The following MAPK14 variants were observed in gnomAD, a reference collection of about 807,000 sequenced individuals.
MAPK14 encodes CSAID-binding protein.
MAPK14 carries 16 observed loss-of-function variants against 49.6 expected under a neutral mutation model. The ratio of observed to expected loss-of-function variants is 0.32; its 90% CI spans 0.22 to 0.49. MAPK14 has a LOEUF of 0.49. Ranked by LOEUF, MAPK14 falls within the 20% of genes least tolerant of loss-of-function variation. MAPK14 has a pLI of 0.99. For missense variants in MAPK14, 200 were observed against 441.2 expected, an observed-to-expected ratio of 0.45 and a Z score of 4.90; for synonymous variants, 142 against 158.0, an observed-to-expected ratio of 0.90 and a Z score of 0.76.
intron 8 of MAPK14, among the ~76,000 whole-genome samples, chr6:36,087,641 CACAA>C (rs1765040203): frequency 6.6e-6 from 1 of 152,032 alleles, no homozygotes; most frequent in Non-Finnish European, 1.5e-5. Context: ...TCAGAGAGGA[CACAA>C]ACAAATGGAA....
At chr6:36,115,360 T>C (rs940609983), downstream of MAPK14, among the ~76,000 whole-genome samples, 1 of 152,244 alleles carries the variant, frequency 6.6e-6, no homozygotes, top group African/African-American at 2.4e-5. Flanking sequence ...TCTATTACCC[T>C]TTGCATAACT....
chr6:36,120,793 A>G, the MAPK14 span, among the ~76,000 whole-genome samples: 1 of 152,216 alleles, frequency 6.6e-6, no homozygotes, highest in Admixed American at 6.5e-5. Context: ...CTTCTCAAGC[A>G]CAGGAACTGT....
downstream of MAPK14, among the ~76,000 whole-genome samples, chr6:36,115,927 C>CAA (rs60613902): frequency 5.3e-3 from 562 of 106,332 alleles, 5 homozygotes; most frequent in African/African-American, 0.016. Context: ...GACTCCGTCT[C>CAA]AAAAAAAAAA....
chr6:36,124,071 G>T, the MAPK14 span, among the ~76,000 whole-genome samples: 1 of 150,920 alleles, frequency 6.6e-6, no homozygotes, highest in South Asian at 2.1e-4. Flanking sequence ...GCAGGGGAGT[G>T]GGGGAGGGTG....
At chr6:36,065,180 C>G (rs192444146) in intron 3 of MAPK14, among the ~76,000 whole-genome samples, 90 of 152,310 alleles carry the variant, frequency 5.9e-4, no homozygotes, top group Non-Finnish European at 3.7e-4. Flanking sequence ...TTGTTCTTAG[C>G]AAATTTTGTT....
At chr6:36,114,958 C>T (rs987895748), downstream of MAPK14, among the ~76,000 whole-genome samples, 2 of 152,142 alleles carry the variant, frequency 1.3e-5, no homozygotes, top group Non-Finnish European at 2.9e-5. Flanking sequence ...CAGGGGGCAT[C>T]GAGGCTGTCT....
At position 36,085,966 on chromosome 6, in the gene MAPK14, C is replaced by T. The variant is rs575571007; in HGVS notation, c.682+9358C>T. 9.2e-5 allele frequency among the ~76,000 whole-genome samples: 14 copies of T among 152,276 alleles called. No individual in the cohort carries two copies. In the South Asian group the frequency reaches 2.9e-3, roughly 32 times the overall value. On this transcript the variant is annotated intron_variant, in intron 8 of 11. Transcript: ENST00000229794. ...AAAATATAACACACAGCCTCTCACA[C>T]CACAGCACAATCAAATTAGAACTAA...
rs1441727490 is a variant in MAPK14 at position 36,072,898 on chromosome 6, G to T, written c.331G>T (p.Ala111Ser). The T allele has an allele frequency of 6.2e-7, 1 of 1,610,842 alleles. No homozygotes were observed. The highest frequency in any genetic ancestry group is 8.5e-7 in the Non-Finnish European group (1 of 1,177,730). The stretch of plus-strand genomic sequence containing the variant: ...GTATCTGGTGACCCATCTCATGGGG[G>T]CAGATCTGAACAACATTGTGAAATG... ...DVYLVTHLMGADLNNIVKCQK... is the reference protein window; with the variant it reads ...DVYLVTHLMGSDLNNIVKCQK... Residue 111 changes from alanine (A) to serine (S), a missense_variant, in exon 4 of 12, where the codon GCA (alanine) becomes TCA (serine). By Grantham distance (99) the Ala-to-Ser change is moderately conservative. Coordinates refer to ENST00000229794, the MANE Select transcript of MAPK14 (RefSeq NM_139012.3).
chr6:36,086,010 A>G lies in MAPK14; in HGVS notation c.682+9402A>G, dbSNP rs143814860. Among the ~76,000 whole-genome samples, 6 of 152,294 alleles carry G rather than the reference A, an allele frequency of 3.9e-5. No individual in the cohort carries two copies. In the East Asian group the frequency reaches 1.2e-3, roughly 29 times the overall value. On this transcript the variant is annotated intron_variant, in intron 8 of 11. Coordinates refer to ENST00000229794, the MANE Select transcript of MAPK14 (RefSeq NM_139012.3). Reference sequence around the variant, plus strand: ...GAACTAAGATTAAGAAACTCACTCAAAACCACACAATTACGTGGAAATTGG... The same window carrying G: ...GAACTAAGATTAAGAAACTCACTCAGAACCACACAATTACGTGGAAATTGG...
At chr6:36,069,413 A>C (rs1309391279) in intron 3 of MAPK14, among the ~76,000 whole-genome samples, 1 of 152,180 alleles carries the variant, frequency 6.6e-6, no homozygotes, top group Non-Finnish European at 1.5e-5. Flanking sequence ...GAATGTAACA[A>C]TTGGTGGTCA....
chr6:36,123,113 A>G, the MAPK14 span, among the ~76,000 whole-genome samples: 1 of 151,434 alleles, frequency 6.6e-6, no homozygotes, highest in South Asian at 2.1e-4. Flanking sequence ...GGAGAGAGGG[A>G]GGGAGGGAAG....
rs1010036502 is a variant in MAPK14 at position 36,045,765 on chromosome 6, C to T, written c.117-6934C>T. Reference sequence around the variant, plus strand: ...CGGTGCTTGCAGTGAGCCGAGATCGCGCCACTGCACTCCAGCCTGGGTGAC... The same window carrying T: ...CGGTGCTTGCAGTGAGCCGAGATCGTGCCACTGCACTCCAGCCTGGGTGAC... On this transcript the variant is annotated intron_variant, in intron 1 of 11. Transcript: ENST00000229794. Among the ~76,000 whole-genome samples, 9 of 144,990 alleles carry T rather than the reference C, an allele frequency of 6.2e-5. No homozygotes were observed. In the East Asian group the frequency reaches 1.2e-3, roughly 20 times the overall value.
At chr6:36,060,852 G>A (rs962032088) in intron 3 of MAPK14, among the ~76,000 whole-genome samples, 1 of 152,212 alleles carries the variant, frequency 6.6e-6, no homozygotes, top group Non-Finnish European at 1.5e-5. Flanking sequence ...TAAGAGAGGA[G>A]AATTTGGTCC....
At chr6:36,037,865 T>C (rs938846303) in intron 1 of MAPK14, among the ~76,000 whole-genome samples, 14 of 152,094 alleles carry the variant, frequency 9.2e-5, no homozygotes, top group African/African-American at 3.4e-4. Flanking sequence ...GGCACACTCC[T>C]GTAGTTCCAA....
chr6:36,096,917 C>T (rs1765464629), intron 9 of MAPK14: 1 of 152,180 alleles, frequency 6.6e-6, no homozygotes, highest in Non-Finnish European at 1.5e-5. Flanking sequence ...TTTTCTTTTT[C>T]CCTCGATCTG....
intron 8 of MAPK14, among the ~76,000 whole-genome samples, chr6:36,078,658 G>C (rs953375613): frequency 6.6e-6 from 1 of 152,112 alleles, no homozygotes; most frequent in African/African-American, 2.4e-5. Flanking sequence ...TAATACATGA[G>C]AATTCATTTC....
At chr6:36,077,435 C>T (rs962021760) in intron 8 of MAPK14, among the ~76,000 whole-genome samples, 19 of 150,752 alleles carry the variant, frequency 1.3e-4, no homozygotes, top group Admixed American at 8.0e-4. Flanking sequence ...TTTGGTTAGG[C>T]AATATTAGAC....
chr6:36,094,534 A>T (rs1295985922), intron 8 of MAPK14, among the ~76,000 whole-genome samples: 2 of 152,246 alleles, frequency 1.3e-5, no homozygotes, highest in African/African-American at 4.8e-5. Context: ...AAAAGACAGG[A>T]TGTCAAATTA....
intron 3 of MAPK14, among the ~76,000 whole-genome samples, chr6:36,067,318 G>C (rs1266458994): frequency 6.6e-6 from 1 of 152,112 alleles, no homozygotes. Flanking sequence ...ACCCTCTCCT[G>C]TGTGTTCTCC....
Sources: allele counts gnomAD v4.1 joint callset (sites outside exome capture counted in the v4.1 genomes callset), GRCh38; gene constraint gnomAD v4.1.1; transcripts MANE v1.5; gene names NCBI Gene and HGNC (gene_info 2026-07-23, HGNC 2026-07-21).